Variants in KIAA1671 observed in about 807,000 individuals in gnomAD.
KIAA1671 encodes the protein uncharacterized protein KIAA1671.
In KIAA1671, 52 loss-of-function variants were observed where a neutral mutation model predicts 131.2. The observed-to-expected ratio is 0.40, with a 90% CI of 0.32 to 0.50. KIAA1671 has a LOEUF of 0.50. KIAA1671 is among the 20% of genes least tolerant of loss of function. The pLI is 0.73. For missense variants in KIAA1671, 2,360 were observed against 2,364.2 expected, an observed-to-expected ratio of 1.00 and a Z score of 0.04; for synonymous variants, 1,003 against 961.6, an observed-to-expected ratio of 1.04 and a Z score of -0.80.
intron 6 of KIAA1671, among the ~76,000 whole-genome samples, chr22:25,125,870 A>T (rs1191049520): frequency 6.6e-6 from 1 of 152,234 alleles, no homozygotes; most frequent in Non-Finnish European, 1.5e-5. Context: ...CCAAAGTATT[A>T]GTAGTAGGCC....
chr22:25,151,129 C>T (rs902301698), intron 6 of KIAA1671, among the ~76,000 whole-genome samples: 9 of 151,726 alleles, frequency 5.9e-5, no homozygotes, highest in South Asian at 2.1e-4. Context: ...CCACTGCGCC[C>T]GGCCCCTTTG....
At chr22:25,063,304 A>G (rs547503388) in intron 6 of KIAA1671, 6 of 138,644 alleles carry the variant, frequency 4.3e-5, no homozygotes, top group African/African-American at 1.7e-4. Flanking sequence ...AGCGCACGGC[A>G]TGACAAAATT....
chr22:25,107,348 C>T (rs938450194), intron 6 of KIAA1671, among the ~76,000 whole-genome samples: 4 of 151,530 alleles, frequency 2.6e-5, no homozygotes, highest in Non-Finnish European at 4.4e-5. Flanking sequence ...ACCCAGGAGG[C>T]GGAGTTTGCA....
chr22:24,955,033 C>T (rs1036641574), intron 1 of KIAA1671, among the ~76,000 whole-genome samples: 5 of 152,072 alleles, frequency 3.3e-5, no homozygotes, highest in Admixed American at 6.5e-5. Flanking sequence ...CTCCTGCCTC[C>T]GCCTCCCAAA....
intron 6 of KIAA1671, among the ~76,000 whole-genome samples, chr22:25,109,813 TGAATGAATGAAA>T (rs1176648802): frequency 6.6e-6 from 1 of 151,864 alleles, no homozygotes; most frequent in Non-Finnish European, 1.5e-5. Flanking sequence ...CTTTATTAAA[TGAATGAATGAAA>T]GAATGAATGA....
chr22:25,063,949 G>A (rs960117231), intron 6 of KIAA1671: 1 of 152,110 alleles, frequency 6.6e-6, no homozygotes, highest in Non-Finnish European at 1.5e-5. Flanking sequence ...GTCTTAAGAT[G>A]GAGTCGAATT....
chr22:25,162,115 T>C (rs890821271), intron 6 of KIAA1671, among the ~76,000 whole-genome samples: 1 of 152,208 alleles, frequency 6.6e-6, no homozygotes, highest in Non-Finnish European at 1.5e-5. Flanking sequence ...TCCTCATGGT[T>C]CCTACTTTAT....
chr22:25,004,888 G>T (rs1482034121), intron 1 of KIAA1671, among the ~76,000 whole-genome samples: 4 of 151,906 alleles, frequency 2.6e-5, no homozygotes, highest in Non-Finnish European at 5.9e-5. Flanking sequence ...GGAGCTTGCA[G>T]TGAGCTGAGA....
intron 1 of KIAA1671, among the ~76,000 whole-genome samples, chr22:24,973,542 T>TGC (rs1569195730): frequency 0.012 from 1,749 of 150,992 alleles, 27 homozygotes; most frequent in African/African-American, 0.039. Flanking sequence ...TACAGGCATG[T>TGC]GCCACCATGC....
intron 7 of KIAA1671, 58 bp downstream of exon 7, chr22:25,170,996 G>C: frequency 4.5e-6 from 6 of 1,327,452 alleles, no homozygotes; most frequent in Non-Finnish European, 6.4e-6. Flanking sequence ...TGGAGTTGCT[G>C]CAGCCCACCC....
intron 6 of KIAA1671, among the ~76,000 whole-genome samples, chr22:25,099,759 C>T (rs900467402): frequency 3.3e-5 from 5 of 152,080 alleles, no homozygotes; most frequent in East Asian, 1.9e-4. Flanking sequence ...ATGATCCACC[C>T]GCCTCGGCCT....
chr22:24,966,054 G>A (rs531247104), intron 1 of KIAA1671, among the ~76,000 whole-genome samples: 12 of 152,316 alleles, frequency 7.9e-5, no homozygotes, highest in East Asian at 1.9e-4. Flanking sequence ...GCCTTGCTTC[G>A]CAGCTAGTGG....
In KIAA1671 at chr22:25,041,347, A is replaced by G. The variant is rs1926912936; in HGVS notation, c.4217A>G (p.Lys1406Arg). ...TGTGGACGGGTGCCGCTGGATATCA[A>G]GAGGGCCTACTCAGAGAAGGGGCCC... Reference protein sequence around the residue: ...RDCGRVPLDIKRAYSEKGPPA... With the variant: ...RDCGRVPLDIRRAYSEKGPPA... The change falls in exon 5 of 13, where the codon AAG becomes AGG. Residue 1406 changes from lysine to arginine, a missense_variant. Transcript: ENST00000358431. The G allele has an allele frequency of 1.3e-6, 2 of 1,551,644 alleles. No individual in the cohort carries two copies. The highest frequency in any genetic ancestry group is 1.4e-5 in the African/African-American group (1 of 73,054).
In KIAA1671 at chr22:25,116,174, G is replaced by A. The variant is rs567701903; in HGVS notation, c.4531-54646G>A. Among the ~76,000 whole-genome samples the A allele has an allele frequency of 3.9e-5, 6 of 152,190 alleles. No homozygotes were observed. In the South Asian group the frequency reaches 6.2e-4, roughly 16 times the overall value. On this transcript the variant is annotated intron_variant, in intron 6 of 12. Coordinates refer to ENST00000358431, the MANE Select transcript of KIAA1671 (RefSeq NM_001145206.2). ...GCTCACCACAGCCTCGATACCCTGCGTTCAAGCCATCCTCTCACCTCTGGA... is the reference window on the plus strand; with the variant it reads ...GCTCACCACAGCCTCGATACCCTGCATTCAAGCCATCCTCTCACCTCTGGA...
chr22:25,044,662 A>G (rs1252385921), intron 5 of KIAA1671, among the ~76,000 whole-genome samples: 1 of 152,052 alleles, frequency 6.6e-6, no homozygotes, highest in Non-Finnish European at 1.5e-5. Context: ...ACACACCAAT[A>G]CAGAAGGAAA....
chr22:25,032,617 G>C lies in KIAA1671; in HGVS notation c.1550G>C (p.Ser517Thr). 6.5e-7 allele frequency: 1 copy of C among 1,544,650 alleles called. No individual in the cohort carries two copies. Among genetic ancestry groups the C allele is most frequent in the Non-Finnish European group, 8.8e-7 (1 of 1,141,252 alleles). ...LSADLTKLFS[S>T]SASSNEVKYE... ...TCAGATCTCTGTACCAGGTTTTCAA[G>C]TTCAGCTTCCAGCAACGAAGTCAAA... Residue 517 changes from serine (S) to threonine (T), a missense_variant, in exon 4 of 13, where the codon AGT (serine) becomes ACT (threonine). By Grantham distance (58) the Ser-to-Thr change is moderately conservative (BLOSUM62 1). Around this residue, in one of 3 missense-constraint regions of KIAA1671, gnomAD observed 1,185 missense variants for 1,126.2 expected, o/e 1.05. Coordinates refer to ENST00000358431, the MANE Select transcript of KIAA1671 (RefSeq NM_001145206.2).
At chr22:25,150,128 G>A (rs1932985450) in intron 6 of KIAA1671, among the ~76,000 whole-genome samples, 1 of 152,258 alleles carries the variant, frequency 6.6e-6, no homozygotes, top group African/African-American at 2.4e-5. Flanking sequence ...AGTGCTCAGT[G>A]TCCTGAGCGA....
chr22:25,156,116 AG>A (rs1409733608), intron 6 of KIAA1671, among the ~76,000 whole-genome samples: 2 of 134,290 alleles, frequency 1.5e-5, no homozygotes, highest in Non-Finnish European at 3.0e-5. Context: ...CTCACCTCCT[AG>A]GTTCATGCCA....
At position 25,039,272 on chromosome 22, in the gene KIAA1671, C is replaced by T. The variant is rs1926784494; in HGVS notation, c.2142C>T (p.Asn714=). The T allele has an allele frequency of 1.3e-6, 2 of 1,552,302 alleles. No individual in the cohort carries two copies. Among genetic ancestry groups the T allele is most frequent in the South Asian group, 2.4e-5 (2 of 84,070 alleles). The change falls in exon 5 of 13, where the codon AAC becomes AAT. Residue 714 remains asparagine (N), a synonymous_variant. Transcript: ENST00000358431. ...KYPLSENHNN[N]TFLKHLENPP... is the part of the protein sequence containing the mutation. ...CTTTGTCTGAAAACCACAATAATAACACCTTCCTCAAACACTTGGAAAATC... is the reference window on the plus strand; with the variant it reads ...CTTTGTCTGAAAACCACAATAATAATACCTTCCTCAAACACTTGGAAAATC...
Sources: allele counts gnomAD v4.1 joint callset (sites outside exome capture counted in the v4.1 genomes callset), GRCh38; gene constraint gnomAD v4.1.1; regional missense constraint gnomAD v4.1.1; transcripts MANE v1.5; gene names NCBI Gene and HGNC (gene_info 2026-07-23, HGNC 2026-07-21).